Variants in DSCAM observed in about 807,000 individuals in gnomAD.
DSCAM encodes cell adhesion molecule DSCAM.
A neutral mutation model predicts 217.7 loss-of-function variants in DSCAM; 47 were observed. That is an observed-to-expected ratio of 0.22 (90% CI 0.17 to 0.28). The LOEUF (loss-of-function observed/expected upper bound fraction) is 0.28, where lower values mean the gene tolerates loss of function less well. Among genes scored for constraint, DSCAM ranks in the 10% least tolerant of loss-of-function variants. The pLI, the probability that DSCAM is intolerant of heterozygous loss-of-function variation, is 1.00. For synonymous variants in DSCAM, 1,056 were observed against 1,015.3 expected (o/e 1.04, Z -0.76); for missense variants, 2,080 against 2,618.3 (o/e 0.79, Z 4.49).
chr21:40,113,939 C>T (rs1023817058), intron 20 of DSCAM, among the ~76,000 whole-genome samples: 4 of 151,954 alleles, frequency 2.6e-5, no homozygotes, highest in South Asian at 2.1e-4. Context: ...AAGAACATTC[C>T]ATGCTCATGG....
At chr21:40,376,153 G>C (rs2074947886) in intron 3 of DSCAM, among the ~76,000 whole-genome samples, 1 of 152,074 alleles carries the variant, frequency 6.6e-6, no homozygotes, top group Admixed American at 6.6e-5. Flanking sequence ...AGAAGAGATG[G>C]CTCTGCTAAT....
intron 1 of DSCAM, among the ~76,000 whole-genome samples, chr21:40,740,220 T>C (rs2091110944): frequency 6.6e-6 from 1 of 152,128 alleles, no homozygotes; most frequent in Non-Finnish European, 1.5e-5. Context: ...AGATTTGAAA[T>C]GTGAAGTTTC....
chr21:40,211,760 T>A (rs569214999), intron 11 of DSCAM, among the ~76,000 whole-genome samples: 1 of 152,326 alleles, frequency 6.6e-6, no homozygotes, highest in East Asian at 1.9e-4. Flanking sequence ...AGAAGTGTTA[T>A]CACACTTTCC....
intron 1 of DSCAM, among the ~76,000 whole-genome samples, chr21:40,778,492 G>C (rs914473879): frequency 1.3e-5 from 2 of 152,112 alleles, no homozygotes; most frequent in Non-Finnish European, 2.9e-5. Context: ...GCTTTTCATG[G>C]AAGAAGGTGC....
chr21:40,257,013 G>A (rs181793797), intron 11 of DSCAM, among the ~76,000 whole-genome samples: 1 of 152,316 alleles, frequency 6.6e-6, no homozygotes, highest in East Asian at 1.9e-4. Flanking sequence ...TCTCCTTAAT[G>A]TCCCGTAACT....
intron 32 of DSCAM, among the ~76,000 whole-genome samples, chr21:40,032,580 G>C (rs533445396): frequency 6.6e-6 from 1 of 152,116 alleles, no homozygotes; most frequent in Non-Finnish European, 1.5e-5. Flanking sequence ...CATTTACCAA[G>C]AGAGATTCTT....
At chr21:40,596,155 A>C (rs1334797771) in intron 3 of DSCAM, among the ~76,000 whole-genome samples, 2 of 152,242 alleles carry the variant, frequency 1.3e-5, no homozygotes, top group Admixed American at 1.3e-4. Context: ...TAATATCGTC[A>C]CATCAACACG....
intron 16 of DSCAM, among the ~76,000 whole-genome samples, chr21:40,145,851 T>C (rs75933234): frequency 1.3e-5 from 2 of 151,142 alleles, no homozygotes; most frequent in African/African-American, 4.8e-5. Context: ...TCTCAAAAAG[T>C]AAAAAAAGAT....
At position 40,342,648 on chromosome 21, in the gene DSCAM, A is replaced by ATATATTTT. The variant is rs61637421; in HGVS notation, c.1211-3234_1211-3233insAAAATATA. Among the ~76,000 whole-genome samples, 201 of 80,280 alleles carry ATATATTTT rather than the reference A, an allele frequency of 2.5e-3. 2 individuals are homozygous for ATATATTTT. The highest frequency in any genetic ancestry group is 3.2e-3 in the Non-Finnish European group (143 of 44,782). The allele number at this position is 80,280 out of a possible 152,430, so 52.7% of individuals were successfully genotyped here. On this transcript the variant is annotated intron_variant, in intron 6 of 32. Coordinates refer to ENST00000400454, the MANE Select transcript of DSCAM (RefSeq NM_001389.5). ...TGTGTATATATATATATATATATATATTTTTTTTTTTTTTTTGAGACAGTG... is the reference window on the plus strand; with the variant it reads ...TGTGTATATATATATATATATATATATATATTTTTTTTTTTTTTTTTTTTGAGACAGTG...
At chr21:40,714,929 A>C (rs2090825478) in intron 1 of DSCAM, among the ~76,000 whole-genome samples, 1 of 152,242 alleles carries the variant, frequency 6.6e-6, no homozygotes, top group African/African-American at 2.4e-5. Context: ...CAGATCCTTC[A>C]TGAATGGATT....
At chr21:40,768,176 G>A (rs2091412572) in intron 1 of DSCAM, among the ~76,000 whole-genome samples, 1 of 152,150 alleles carries the variant, frequency 6.6e-6, no homozygotes, top group Non-Finnish European at 1.5e-5. Context: ...TGCCTGAACT[G>A]CACCCAGATT....
At chr21:40,281,703 C>T (rs925659021) in intron 10 of DSCAM, among the ~76,000 whole-genome samples, 5 of 152,162 alleles carry the variant, frequency 3.3e-5, no homozygotes, top group South Asian at 2.1e-4. Flanking sequence ...TTAATTTGCA[C>T]ATTTTGGCGG....
chr21:40,125,679 T>C (rs2090085663), intron 19 of DSCAM, among the ~76,000 whole-genome samples: 1 of 152,228 alleles, frequency 6.6e-6, no homozygotes, highest in Non-Finnish European at 1.5e-5. Context: ...TGGCAAGTCT[T>C]GCTAACAGTG....
At chr21:40,809,363 T>C (rs935697890) in intron 1 of DSCAM, among the ~76,000 whole-genome samples, 10 of 152,270 alleles carry the variant, frequency 6.6e-5, no homozygotes, top group African/African-American at 2.2e-4. Context: ...GGGGTGGGAC[T>C]TCAAAGCAGG....
At chr21:40,655,944 C>G (rs2090070560) in intron 3 of DSCAM, among the ~76,000 whole-genome samples, 1 of 152,036 alleles carries the variant, frequency 6.6e-6, no homozygotes, top group African/African-American at 2.4e-5. Flanking sequence ...TCACAGCTAC[C>G]TGGGAGGCTG....
At chr21:40,188,212 T>C (rs1285022857) in intron 12 of DSCAM, among the ~76,000 whole-genome samples, 1 of 152,164 alleles carries the variant, frequency 6.6e-6, no homozygotes, top group Admixed American at 6.5e-5. Context: ...TTCAGTGTAA[T>C]TGAAAGTAGG....
At chr21:40,277,915 G>A (rs897648177) in intron 10 of DSCAM, among the ~76,000 whole-genome samples, 12 of 150,698 alleles carry the variant, frequency 8.0e-5, no homozygotes, top group East Asian at 1.9e-4. Context: ...AAAAGTACAC[G>A]AATGTAGATT....
At chr21:40,840,436 G>A (rs1011404255) in intron 1 of DSCAM, among the ~76,000 whole-genome samples, 1 of 152,152 alleles carries the variant, frequency 6.6e-6, no homozygotes, top group Non-Finnish European at 1.5e-5. Context: ...CTTTCAAAAT[G>A]CGACAGGGCA....
intron 1 of DSCAM, among the ~76,000 whole-genome samples, chr21:40,723,090 C>CTTTTTTTTTTTT (rs3071003): frequency 7.2e-6 from 1 of 139,582 alleles, no homozygotes; most frequent in African/African-American, 2.6e-5. Context: ...CTCTCTCGCT[C>CTTTTTTTTTTTT]TTTTTTTTTT....
Sources: gnomAD v4.1 joint callset for allele counts (sites outside exome capture counted in the v4.1 genomes callset) on GRCh38, gnomAD v4.1.1 for gene constraint, MANE v1.5 for transcripts, NCBI Gene and HGNC (gene_info 2026-07-23, HGNC 2026-07-21) for gene names.